KCNH1: variants seen among roughly 807,000 people sequenced by gnomAD.
KCNH1 encodes potassium voltage-gated channel subfamily H member 1, also known as voltage-gated delayed rectifier potassium channel KCNH1.
A neutral mutation model predicts 69.2 loss-of-function variants in KCNH1; 27 were observed. The ratio of observed to expected loss-of-function variants is 0.39; its 90% confidence interval spans 0.29 to 0.54. The LOEUF is 0.54. KCNH1 is among the 20% of genes least tolerant of loss of function. KCNH1 has a pLI of 0.68. For missense variants in KCNH1, 798 were observed against 1,261.6 expected, an observed-to-expected ratio of 0.63 and a Z score of 5.57; for synonymous variants, 456 against 487.7, an observed-to-expected ratio of 0.93 and a Z score of 0.86.
chr1:211,084,165 G>A (rs1354497467), intron 4 of KCNH1, among the ~76,000 whole-genome samples: 1 of 152,156 alleles, frequency 6.6e-6, no homozygotes, highest in Non-Finnish European at 1.5e-5. Context: ...GCACAGCATG[G>A]ACTCTGTAGG....
intron 7 of KCNH1, among the ~76,000 whole-genome samples, chr1:210,895,682 G>A (rs928506248): frequency 1.3e-5 from 2 of 151,922 alleles, no homozygotes; most frequent in Admixed American, 1.3e-4. Context: ...CAGACATCAG[G>A]AAACATAGGA....
chr1:210,859,847 T>C, intron 7 of KCNH1: 1 of 1,128,908 alleles, frequency 8.9e-7, no homozygotes, highest in Non-Finnish European at 1.4e-6. Flanking sequence ...GATTTGTAAC[T>C]GGTTCAACAT....
At position 210,804,133 on chromosome 1, in the gene KCNH1, G is replaced by A. The variant is rs942768469; in HGVS notation, c.1496C>T (p.Thr499Met). 7 of 1,613,690 alleles carry A rather than the reference G, an allele frequency of 4.3e-6. No homozygotes were observed. The highest frequency in any genetic ancestry group is 2.7e-5 in the African/African-American group (2 of 74,930). ...GGCATACATCTGTTGGAAAATAGTC[G>A]TCACATTCCCGAAGATGGTGGCATA... ...LLYATIFGNV[T>M]TIFQQMYANT... The change falls in exon 8 of 11, where the codon ACG becomes ATG. Residue 499 changes from threonine (T) to methionine (M), a missense_variant. Coordinates refer to ENST00000271751, the MANE Select transcript of KCNH1 (RefSeq NM_172362.3).
At chr1:210,900,994 A>G (rs934532558) in intron 7 of KCNH1, among the ~76,000 whole-genome samples, 3 of 152,158 alleles carry the variant, frequency 2.0e-5, no homozygotes, top group Non-Finnish European at 4.4e-5. Context: ...TACATATTCA[A>G]TTAACATCTG....
At chr1:210,891,024 G>A (rs929520164) in intron 7 of KCNH1, among the ~76,000 whole-genome samples, 12 of 152,166 alleles carry the variant, frequency 7.9e-5, no homozygotes, top group Admixed American at 3.9e-4. Flanking sequence ...ATTTGACCCA[G>A]CCATCCCATT....
intron 10 of KCNH1, among the ~76,000 whole-genome samples, chr1:210,728,012 CA>C (rs1682647377): frequency 6.6e-6 from 1 of 152,228 alleles, no homozygotes; most frequent in South Asian, 2.1e-4. Context: ...GGTCAGCAGA[CA>C]ACCTGCACCA....
chr1:211,072,475 C>T lies in KCNH1; in HGVS notation c.558+10305G>A, dbSNP rs541366657. On this transcript the variant is annotated intron_variant, in intron 5 of 10. Transcript: ENST00000271751. ...AAGGTAAAATGAAATTTTTATTTTACTTATTTTTAACTAATCTAACAGATG... is the reference window on the plus strand; with the variant it reads ...AAGGTAAAATGAAATTTTTATTTTATTTATTTTTAACTAATCTAACAGATG... 7.2e-5 allele frequency among the ~76,000 whole-genome samples: 11 copies of T among 152,124 alleles called. No homozygotes were observed. In the East Asian group the frequency reaches 2.1e-3, roughly 29 times the overall value.
chr1:211,119,283 C>T (rs551791224), intron 1 of KCNH1, among the ~76,000 whole-genome samples: 2 of 152,138 alleles, frequency 1.3e-5, no homozygotes, highest in South Asian at 4.1e-4. Flanking sequence ...TGGTGTGAAC[C>T]CAGGAGGCAG....
chr1:211,108,386 G>A (rs1009694935), intron 1 of KCNH1: 3 of 91,568 alleles, frequency 3.3e-5, no homozygotes, highest in African/African-American at 1.1e-4. Context: ...AGGGTATTAT[G>A]TGTGTCTGTG....
At chr1:210,749,644 T>G (rs7535110) in intron 10 of KCNH1, among the ~76,000 whole-genome samples, 27,708 of 152,138 alleles carry the variant, frequency 0.18, 3,345 homozygotes, top group Non-Finnish European at 0.27. Flanking sequence ...GAGACACCAG[T>G]TTATAGAAAT....
chr1:210,799,506 T>G (rs1232834808), intron 8 of KCNH1, among the ~76,000 whole-genome samples: 1 of 152,158 alleles, frequency 6.6e-6, no homozygotes, highest in Non-Finnish European at 1.5e-5. Flanking sequence ...TTTACAGGTT[T>G]TCCTAGAGGG....
At chr1:211,061,267 T>G (rs917576163) in intron 5 of KCNH1, among the ~76,000 whole-genome samples, 2 of 152,024 alleles carry the variant, frequency 1.3e-5, no homozygotes, top group Non-Finnish European at 2.9e-5. Context: ...TGCCTCATGA[T>G]TAAAAATAAA....
chr1:211,119,299 G>T (rs1167385835), intron 1 of KCNH1, among the ~76,000 whole-genome samples: 1 of 152,120 alleles, frequency 6.6e-6, no homozygotes, highest in Admixed American at 6.5e-5. Flanking sequence ...GGCAGAGCTT[G>T]CAGTGAGCCA....
intron 7 of KCNH1, among the ~76,000 whole-genome samples, chr1:210,830,293 G>A (rs1685130516): frequency 1.3e-5 from 2 of 152,184 alleles, no homozygotes; most frequent in Non-Finnish European, 2.9e-5. Flanking sequence ...TTCACCATAT[G>A]CAGGCATAGT....
chr1:210,871,127 G>A (rs1275409520), intron 7 of KCNH1, among the ~76,000 whole-genome samples: 1 of 152,134 alleles, frequency 6.6e-6, no homozygotes, highest in Non-Finnish European at 1.5e-5. Flanking sequence ...CTACAGAATG[G>A]GAGAAAATCT....
intron 9 of KCNH1, among the ~76,000 whole-genome samples, chr1:210,787,333 C>T (rs777594207): frequency 2.6e-5 from 4 of 152,122 alleles, no homozygotes; most frequent in African/African-American, 4.8e-5. Flanking sequence ...TTCTCATAGC[C>T]GCTGGATTAG....
intron 3 of KCNH1, among the ~76,000 whole-genome samples, chr1:211,098,278 G>A (rs192518135): frequency 6.7e-5 from 10 of 148,636 alleles, no homozygotes; most frequent in East Asian, 3.9e-4. Flanking sequence ...CTGAGATCGC[G>A]CCACTGCACT....
At chr1:210,936,219 C>T (rs1329281779) in intron 6 of KCNH1, among the ~76,000 whole-genome samples, 4 of 152,168 alleles carry the variant, frequency 2.6e-5, no homozygotes, top group Admixed American at 2.6e-4. Flanking sequence ...CCCCGTATTA[C>T]TCATCACTAC....
At chr1:210,843,959 T>C (rs759764271) in intron 7 of KCNH1, among the ~76,000 whole-genome samples, 2 of 152,132 alleles carry the variant, frequency 1.3e-5, no homozygotes, top group Admixed American at 6.6e-5. Flanking sequence ...TGTCAATATA[T>C]CAACTAATAA....
Sources: gnomAD v4.1 joint callset for allele counts (sites outside exome capture counted in the v4.1 genomes callset) on GRCh38, gnomAD v4.1.1 for gene constraint, MANE v1.5 for transcripts, NCBI Gene and HGNC (gene_info 2026-07-23, HGNC 2026-07-21) for gene names.